Variants in TBC1D22B observed in about 807,000 individuals in gnomAD.
The protein encoded by TBC1D22B is TBC1 domain family member 22B.
In TBC1D22B, 32 loss-of-function variants were observed where a neutral mutation model predicts 69.1. The ratio of observed to expected loss-of-function variants is 0.46; its 90% CI spans 0.35 to 0.62. The LOEUF is 0.62. TBC1D22B is among the 20% of genes least tolerant of loss of function. The probability of loss-of-function intolerance (pLI) is 0.00; values close to 1 mark genes in which losing one functional copy is unlikely to be tolerated. For synonymous variants in TBC1D22B, 206 were observed against 229.8 expected (o/e 0.90, Z 0.94); for missense variants, 462 against 630.9 (o/e 0.73, Z 2.87).
At chr6:37,308,706 C>T (rs1463921287) in intron 8 of TBC1D22B, among the ~76,000 whole-genome samples, 18 of 152,134 alleles carry the variant, frequency 1.2e-4, no homozygotes, top group Admixed American at 6.5e-5. Flanking sequence ...CTCCTTAAGA[C>T]GAAAGACAGA....
In TBC1D22B at chr6:37,331,343, G is replaced by A. The variant is rs1768577975; in HGVS notation, c.*171G>A. 3 of 617,186 alleles carry A rather than the reference G, an allele frequency of 4.9e-6. No homozygotes were observed. Among genetic ancestry groups the A allele is most frequent in the Non-Finnish European group, 5.7e-6 (2 of 353,096 alleles). 38.2% of individuals were successfully genotyped at this position (617,186 alleles called of 1,614,324 possible). On this transcript the variant is annotated 3_prime_UTR_variant, in exon 13 of 13. Transcript: ENST00000373491. ...CATCCACCACTCCATGTCTCTGGAT[G>A]TGTCACTTGGACCACTGTCAGTATT... is the stretch of plus-strand genomic sequence containing the variant.
intron 9 of TBC1D22B, 108 bp from the exon 10 acceptor site, chr6:37,313,708 G>T: frequency 3.0e-6 from 3 of 996,818 alleles, no homozygotes; most frequent in Non-Finnish European, 3.2e-6. Context: ...ACTGGCCATT[G>T]GTACTAGCTT....
intron 7 of TBC1D22B, among the ~76,000 whole-genome samples, chr6:37,290,431 G>A (rs959659458): frequency 1.3e-5 from 2 of 152,166 alleles, no homozygotes; most frequent in African/African-American, 4.8e-5. Context: ...ATGGGGAGAA[G>A]CTCAGAGGGC....
At chr6:37,264,841 G>A (rs1766222067) in intron 1 of TBC1D22B, among the ~76,000 whole-genome samples, 1 of 152,120 alleles carries the variant, frequency 6.6e-6, no homozygotes, top group Admixed American at 6.5e-5. Flanking sequence ...ATTTAATAAT[G>A]GGTTTAATAA....
intron 12 of TBC1D22B, among the ~76,000 whole-genome samples, chr6:37,319,577 C>T (rs540951978): frequency 1.3e-5 from 2 of 152,290 alleles, no homozygotes; most frequent in East Asian, 3.9e-4. Context: ...GGTCTGAGGC[C>T]TTTTGGCAAT....
intron 1 of TBC1D22B, among the ~76,000 whole-genome samples, chr6:37,264,057 C>G (rs1554182416): frequency 6.9e-6 from 1 of 145,642 alleles, no homozygotes; most frequent in Non-Finnish European, 1.5e-5. Flanking sequence ...TTTTTTTTAA[C>G]TTGTGTTGGA....
At chr6:37,282,759 A>G in intron 4 of TBC1D22B, 123 bp from the exon 5 acceptor site, 3 of 952,002 alleles carry the variant, frequency 3.2e-6, no homozygotes, top group Non-Finnish European at 5.0e-6. Flanking sequence ...CACTGTGCTT[A>G]TGGGTAGCAG....
intron 1 of TBC1D22B, among the ~76,000 whole-genome samples, chr6:37,259,576 C>T (rs146712047): frequency 6.2e-4 from 95 of 152,274 alleles, no homozygotes; most frequent in Non-Finnish European, 2.1e-4. Context: ...CCTATATTTC[C>T]TGTATTTGGC....
intron 12 of TBC1D22B, among the ~76,000 whole-genome samples, chr6:37,326,259 A>C (rs1261817689): frequency 1.3e-5 from 2 of 151,590 alleles, no homozygotes; most frequent in Admixed American, 6.6e-5. Flanking sequence ...GCGCACCTGT[A>C]ATCTCAGCTA....
intron 6 of TBC1D22B, among the ~76,000 whole-genome samples, chr6:37,286,355 G>T (rs372960909): frequency 1.9e-3 from 274 of 147,776 alleles, no homozygotes; most frequent in African/African-American, 6.5e-3. Flanking sequence ...TTGCTCTGTC[G>T]CCCAGGCTGG....
intron 2 of TBC1D22B, among the ~76,000 whole-genome samples, chr6:37,277,936 G>A (rs1026847334): frequency 1.4e-4 from 21 of 151,306 alleles, no homozygotes; most frequent in African/African-American, 4.9e-4. Context: ...TGAGACTAGC[G>A]AGAGCAACAT....
At chr6:37,304,880 G>A (rs929510677) in intron 8 of TBC1D22B, among the ~76,000 whole-genome samples, 1 of 152,202 alleles carries the variant, frequency 6.6e-6, no homozygotes, top group African/African-American at 2.4e-5. Context: ...TAAGTGCTAT[G>A]GATAGAAACA....
intron 8 of TBC1D22B, among the ~76,000 whole-genome samples, chr6:37,302,132 G>T (rs1041748568): frequency 2.0e-5 from 3 of 152,234 alleles, no homozygotes; most frequent in Non-Finnish European, 4.4e-5. Context: ...TTGTAAAGTA[G>T]TTGGAAACAG....
At chr6:37,264,602 T>G (rs1766214228) in intron 1 of TBC1D22B, among the ~76,000 whole-genome samples, 1 of 152,202 alleles carries the variant, frequency 6.6e-6, no homozygotes, top group Non-Finnish European at 1.5e-5. Flanking sequence ...CCAGCCCTGA[T>G]TGTGTCTTAT....
intron 12 of TBC1D22B, among the ~76,000 whole-genome samples, chr6:37,327,794 A>T (rs1272123778): frequency 8.5e-5 from 13 of 152,110 alleles, no homozygotes. Flanking sequence ...GATGCCAGCA[A>T]CCATGGAGGG....
intron 9 of TBC1D22B, among the ~76,000 whole-genome samples, chr6:37,313,374 C>T (rs1231658670): frequency 6.6e-6 from 1 of 151,950 alleles, no homozygotes; most frequent in South Asian, 2.1e-4. Flanking sequence ...CCTATAGTAC[C>T]AGGTCCTCAG....
At chr6:37,312,519 G>C (rs1005842885) in intron 8 of TBC1D22B, among the ~76,000 whole-genome samples, 5 of 152,322 alleles carry the variant, frequency 3.3e-5, no homozygotes, top group Non-Finnish European at 5.9e-5. Flanking sequence ...ATATGAGTGT[G>C]AGTGTGCTAG....
chr6:37,317,025 A>G, intron 11 of TBC1D22B, 86 bp from the exon 12 acceptor site: 1 of 1,476,434 alleles, frequency 6.8e-7, no homozygotes, highest in Non-Finnish European at 9.2e-7. Context: ...AGAGTTTCCC[A>G]CCTCCCAGAA....
chr6:37,267,000 G>A (rs575277139), intron 1 of TBC1D22B, among the ~76,000 whole-genome samples: 4 of 127,770 alleles, frequency 3.1e-5, no homozygotes, highest in South Asian at 2.6e-4. Flanking sequence ...GCAGTGACAC[G>A]ATGATAGGTC....
Sources: gnomAD v4.1 joint callset for allele counts (sites outside exome capture counted in the v4.1 genomes callset) on GRCh38, gnomAD v4.1.1 for gene constraint, MANE v1.5 for transcripts, NCBI Gene and HGNC (gene_info 2026-07-23, HGNC 2026-07-21) for gene names.